The following TESC variants were observed in gnomAD, a reference collection of about 807,000 sequenced individuals.
TESC encodes tescalcin.
TESC carries 19 observed loss-of-function variants against 31.0 expected under a neutral mutation model. The observed-to-expected ratio is 0.61, with a 90% confidence interval of 0.43 to 0.90. The LOEUF (loss-of-function observed/expected upper bound fraction) is 0.90. TESC is among the 40% of genes least tolerant of loss of function. The pLI, the probability that TESC is intolerant of heterozygous loss-of-function variation, is 0.00. For missense variants in TESC, 248 were observed against 303.8 expected (o/e 0.82, Z 1.36); for synonymous variants, 109 against 114.8 (o/e 0.95, Z 0.32).
chr12:117,095,764 T>A (rs34227391), intron 1 of TESC, among the ~76,000 whole-genome samples: 2 of 151,924 alleles, frequency 1.3e-5, no homozygotes, highest in Non-Finnish European at 2.9e-5. Flanking sequence ...CCTGCAGTCA[T>A]AGCTACTGGG....
intron 2 of TESC, among the ~76,000 whole-genome samples, chr12:117,072,087 T>C (rs906548688): frequency 6.6e-6 from 1 of 152,150 alleles, no homozygotes; most frequent in Non-Finnish European, 1.5e-5. Context: ...GCATCAGGGC[T>C]CAGCGCCTAG....
chr12:117,051,954 T>A (rs1384573201), intron 3 of TESC, among the ~76,000 whole-genome samples: 3 of 152,202 alleles, frequency 2.0e-5, no homozygotes, highest in Non-Finnish European at 4.4e-5. Context: ...TTATTTATTT[T>A]TTAAGAGATG....
rs1288196317 is a variant in TESC at position 117,068,469 on chromosome 12, C to T, written c.128+6802G>A. 2.0e-5 allele frequency among the ~76,000 whole-genome samples: 3 copies of T among 152,272 alleles called. No individual in the cohort carries two copies. The East Asian group carries it at 5.8e-4, about 29-fold the overall frequency. ...GCTTGAACCTGGGACGGGGAGGTTG[C>T]AGTGAGCCAAGATCGCGCCACAGCA... is the stretch of plus-strand genomic sequence containing the variant. On this transcript the variant is annotated intron_variant, in intron 2 of 7. Coordinates refer to ENST00000335209, the MANE Select transcript of TESC (RefSeq NM_017899.4).
At chr12:117,093,622 A>G (rs532104136) in intron 1 of TESC, among the ~76,000 whole-genome samples, 25 of 152,248 alleles carry the variant, frequency 1.6e-4, no homozygotes, top group Non-Finnish European at 3.2e-4. Context: ...TTGAGCCTCA[A>G]TGTCTGCATC....
At chr12:117,075,899 A>ATATATATATATATGTGTGTGTG (rs1955059046) in intron 1 of TESC, among the ~76,000 whole-genome samples, 1 of 73,220 alleles carries the variant, frequency 1.4e-5, no homozygotes, top group African/African-American at 8.2e-5. Context: ...ATATATATAT[A>ATATATATATATATGTGTGTGTG]TATATATATA....
At position 117,043,113 on chromosome 12, in the gene TESC, C is replaced by A. The variant is rs1001161780; in HGVS notation, c.520-1119G>T. On this transcript the variant is annotated intron_variant, in intron 6 of 7. Coordinates refer to ENST00000335209, the MANE Select transcript of TESC (RefSeq NM_017899.4). ...TGCAGGTCTGTGCACGCAAACCTTT[C>A]CTCAGACTGATAACCAGACCCCCAC... Among the ~76,000 whole-genome samples the A allele has an allele frequency of 6.6e-5, 10 of 152,016 alleles. No individual in the cohort carries two copies. In the East Asian group the frequency reaches 1.9e-3, roughly 29 times the overall value.
intron 2 of TESC, among the ~76,000 whole-genome samples, chr12:117,070,622 G>A (rs141631738): frequency 5.9e-5 from 9 of 152,204 alleles, no homozygotes; most frequent in Non-Finnish European, 8.8e-5. Flanking sequence ...GGATCTTGGC[G>A]CTGGGTTCAA....
chr12:117,070,144 A>T (rs1411232291), intron 2 of TESC, among the ~76,000 whole-genome samples: 2 of 152,202 alleles, frequency 1.3e-5, no homozygotes, highest in African/African-American at 2.4e-5. Context: ...AGCTTCCAAG[A>T]TGTGCCAGGA....
chr12:117,056,934 G>A, intron 2 of TESC, 48 bp from the exon 3 acceptor site: 1 of 1,587,424 alleles, frequency 6.3e-7, no homozygotes, highest in East Asian at 2.2e-5. Context: ...AGGAAAGATA[G>A]CAGACGTCAG....
At position 117,063,780 on chromosome 12, in the gene TESC, TC is replaced by T. The variant is rs754106874; in HGVS notation, c.129-6895del. Among the ~76,000 whole-genome samples the T allele has an allele frequency of 2.0e-5, 3 of 151,912 alleles. No homozygotes were observed. In the South Asian group the frequency reaches 6.2e-4, roughly 32 times the overall value. On this transcript the variant is annotated intron_variant, in intron 2 of 7. Coordinates refer to ENST00000335209, the MANE Select transcript of TESC (RefSeq NM_017899.4). The stretch of plus-strand genomic sequence containing the variant: ...TGCACTCACTGTTCAGCATGTGGTG[TC>T]CCCCACAGTGGGGAAGCTGAGGCCC...
intron 6 of TESC, among the ~76,000 whole-genome samples, chr12:117,043,896 T>C (rs753455293): frequency 5.5e-4 from 84 of 152,294 alleles, no homozygotes; most frequent in South Asian, 1.0e-3. Flanking sequence ...TCCAAGTCCT[T>C]GAGGGCTGTT....
intron 7 of TESC, 61 bp from the exon 8 acceptor site, chr12:117,039,271 C>T (rs373192819): frequency 4.7e-6 from 7 of 1,500,412 alleles, no homozygotes; most frequent in East Asian, 2.4e-5. Context: ...CCTGACCAGG[C>T]CCCCCGGTCC....
chr12:117,048,324 C>T (rs959915604), intron 4 of TESC, among the ~76,000 whole-genome samples: 7 of 152,248 alleles, frequency 4.6e-5, no homozygotes, highest in African/African-American at 1.4e-4. Context: ...GCTGTTCCCA[C>T]CAGCCCCGCA....
intron 5 of TESC, 26 bp downstream of exon 5, chr12:117,046,751 G>C (rs750815568): frequency 1.9e-6 from 3 of 1,557,004 alleles, no homozygotes; most frequent in Non-Finnish European, 2.6e-6. Context: ...CAGGAGCCCC[G>C]GGCGGGCCAG....
intron 4 of TESC, among the ~76,000 whole-genome samples, chr12:117,048,391 A>G (rs1954598904): frequency 6.6e-6 from 1 of 152,160 alleles, no homozygotes; most frequent in Non-Finnish European, 1.5e-5. Context: ...CTTGATGAGG[A>G]GGCTGACCTG....
intron 7 of TESC, 55 bp downstream of exon 7, chr12:117,041,892 G>A (rs966983414): frequency 9.8e-6 from 15 of 1,526,834 alleles, no homozygotes; most frequent in Non-Finnish European, 1.3e-5. Context: ...CCTGACCAGT[G>A]GGCCACACGA....
At chr12:117,075,526 G>A (rs1955039780) in intron 1 of TESC, among the ~76,000 whole-genome samples, 186 bp from the exon 2 acceptor site, 1 of 152,008 alleles carries the variant, frequency 6.6e-6, no homozygotes, top group Non-Finnish European at 1.5e-5. Flanking sequence ...GTTCTTCCCA[G>A]AAACAGCTCT....
chr12:117,078,948 G>T (rs1955109014), intron 1 of TESC, among the ~76,000 whole-genome samples: 1 of 152,206 alleles, frequency 6.6e-6, no homozygotes, highest in Non-Finnish European at 1.5e-5. Flanking sequence ...CACTGGCTGA[G>T]TACTGTGTCC....
At position 117,049,086 on chromosome 12, in the gene TESC, G is replaced by T; in HGVS notation, c.282C>A (p.Tyr94Ter). 1 of 1,614,274 alleles carries T rather than the reference G, an allele frequency of 6.2e-7. No individual in the cohort carries two copies. Among genetic ancestry groups the T allele is most frequent in the Non-Finnish European group, 8.5e-7 (1 of 1,180,052 alleles). Residue 94 changes from tyrosine (Y) to a stop codon, truncating the protein, a stop_gained, in exon 4 of 8, where the codon TAC becomes TAA. Transcript: ENST00000335209. LOFTEE classifies it high-confidence loss of function. ...CCATGGTGGTGTCGATGGGCCGGAA[G>T]TAGGACATGATGGTCAGGAAGTCCT... ...NFEDFLTIMS[Y>*]FRPIDTTMDE... is the part of the protein sequence containing the mutation.
Sources: gnomAD v4.1 joint callset for allele counts (sites outside exome capture counted in the v4.1 genomes callset) on GRCh38, gnomAD v4.1.1 for gene constraint, MANE v1.5 for transcripts, NCBI Gene and HGNC (gene_info 2026-07-23, HGNC 2026-07-21) for gene names.